The following ADAP1 variants were observed in gnomAD, a reference collection of about 807,000 sequenced individuals.
ADAP1 encodes the protein arf-GAP with dual PH domain-containing protein 1.
Under a neutral mutation model 54.9 loss-of-function variants are expected in ADAP1, and 31 were observed. The observed-to-expected ratio is 0.56, with a 90% CI of 0.42 to 0.76. ADAP1 has a LOEUF of 0.76. ADAP1 is among the 30% of genes least tolerant of loss of function. ADAP1 has a pLI of 0.00. For synonymous variants in ADAP1, 313 were observed against 202.6 expected, an observed-to-expected ratio of 1.55 and a Z score of -4.63; for missense variants, 535 against 512.4, an observed-to-expected ratio of 1.04 and a Z score of -0.42.
At chr7:906,573 GGGAAA>G (rs1447838700) in intron 4 of ADAP1, among the ~76,000 whole-genome samples, 2 of 40,822 alleles carry the variant, frequency 4.9e-5, no homozygotes, top group Non-Finnish European at 9.7e-5. Context: ...AAAGGAGAAA[GGGAAA>G]GGAGAAAGGA....
intron 4 of ADAP1, among the ~76,000 whole-genome samples, chr7:913,114 A>C (rs975650736): frequency 6.6e-6 from 1 of 151,742 alleles, no homozygotes; most frequent in Admixed American, 6.6e-5. Context: ...AGAGTGCTGC[A>C]ATGACAGGCA....
chr7:944,451 A>G (rs1216032127), intron 1 of ADAP1, among the ~76,000 whole-genome samples: 2 of 150,782 alleles, frequency 1.3e-5, no homozygotes, highest in Non-Finnish European at 3.0e-5. Flanking sequence ...GACGGGGTTC[A>G]CCATGTTGGC....
intron 1 of ADAP1, among the ~76,000 whole-genome samples, chr7:951,761 C>T (rs939331420): frequency 1.1e-4 from 17 of 152,148 alleles, no homozygotes; most frequent in Non-Finnish European, 1.2e-4. Flanking sequence ...GCTCAGACAC[C>T]CCAGTCCTTC....
intron 2 of ADAP1, among the ~76,000 whole-genome samples, chr7:931,171 G>A (rs1846565772): frequency 2.0e-5 from 3 of 151,990 alleles, no homozygotes; most frequent in South Asian, 2.1e-4. Flanking sequence ...GGGAGGGAGC[G>A]AGGCCCACAC....
rs542524591 is a variant in ADAP1, at chr7:907,911, G to A, written c.389-2739C>T. Among the ~76,000 whole-genome samples the A allele has an allele frequency of 4.0e-5, 6 of 151,416 alleles. No individual in the cohort carries two copies. The South Asian group carries it at 1.3e-3, about 32-fold the overall frequency. On this transcript the variant is annotated intron_variant, in intron 4 of 10. Coordinates refer to ENST00000265846, the MANE Select transcript of ADAP1 (RefSeq NM_006869.4). The stretch of plus-strand genomic sequence containing the variant: ...AGGTCGCGGGGCCGTCTGCCGAGGA[G>A]CCGTCTGCCGAGCATCCGTGGCCCC...
intron 6 of ADAP1, among the ~76,000 whole-genome samples, chr7:903,203 G>A (rs999540237): frequency 6.6e-5 from 10 of 152,162 alleles, no homozygotes; most frequent in African/African-American, 1.7e-4. Flanking sequence ...TGGGAAGAGC[G>A]ATCACAGCGT....
chr7:950,261 G>A (rs1030908897), intron 1 of ADAP1, among the ~76,000 whole-genome samples: 5 of 152,186 alleles, frequency 3.3e-5, no homozygotes, highest in South Asian at 2.1e-4. Flanking sequence ...CGAGGCAGGC[G>A]GATCACAAGG....
chr7:918,804 G>A lies in ADAP1; in HGVS notation c.388+1164C>T, dbSNP rs868691190. Among the ~76,000 whole-genome samples the A allele has an allele frequency of 1.9e-3, 291 of 152,316 alleles. 1 individual carries two copies. Among genetic ancestry groups the A allele is most frequent in the African/African-American group, 6.8e-3 (281 of 41,562 alleles). On this transcript the variant is annotated intron_variant, in intron 4 of 10. Transcript: ENST00000265846. ...GGGAAAAAACCACTCAAGGCCCACA[G>A]TACCCGAGCCCACCTCCTACAGAGC...
At chr7:900,061 G>A (rs375667891) in intron 8 of ADAP1, 41 bp downstream of exon 8, 138 of 1,609,810 alleles carry the variant, frequency 8.6e-5, no homozygotes, top group African/African-American at 3.9e-4. Context: ...CCACCATGGC[G>A]TACCCCAGGC....
chr7:937,636 GACCTCT>G lies in ADAP1; in HGVS notation c.83-2137_83-2132del, dbSNP rs1482074012. ...CCTCTGGGATTTGGGGGTCACGCCC[GACCTCT>G]GGGATTTGGGGGTCATGCCCGGCCT... On this transcript the variant is annotated intron_variant, in intron 1 of 10. Transcript: ENST00000265846. Among the ~76,000 whole-genome samples, 44 of 75,248 alleles carry G rather than the reference GACCTCT, an allele frequency of 5.8e-4. 2 individuals carry two copies. The highest frequency in any genetic ancestry group is 4.5e-3 in the East Asian group (8 of 1,768). 49.4% of individuals were successfully genotyped at this position (75,248 alleles called of 152,430 possible).
intron 4 of ADAP1, among the ~76,000 whole-genome samples, chr7:917,526 G>A (rs555404658): frequency 7.9e-5 from 12 of 152,282 alleles, no homozygotes; most frequent in Admixed American, 2.0e-4. Context: ...GTGCAGAGGC[G>A]CAATCTCGGC....
chr7:904,008 C>G, intron 6 of ADAP1, 118 bp downstream of exon 6: 3 of 1,361,498 alleles, frequency 2.2e-6, no homozygotes, highest in Non-Finnish European at 3.0e-6. Context: ...CCTTCTCATG[C>G]CGCCTAGCTC....
chr7:929,115 G>C (rs909554758), intron 2 of ADAP1, among the ~76,000 whole-genome samples: 1 of 151,960 alleles, frequency 6.6e-6, no homozygotes, highest in Admixed American at 6.6e-5. Flanking sequence ...AACACGGTGA[G>C]ACCCCGTCTC....
intron 1 of ADAP1, among the ~76,000 whole-genome samples, chr7:941,287 T>C (rs1179929798): frequency 6.6e-6 from 1 of 152,220 alleles, no homozygotes; most frequent in South Asian, 2.1e-4. Flanking sequence ...CTAGTCAACG[T>C]TGAGCTAGAG....
chr7:921,533 G>T (rs1334297506), intron 3 of ADAP1, among the ~76,000 whole-genome samples: 2 of 152,220 alleles, frequency 1.3e-5, no homozygotes, highest in Non-Finnish European at 2.9e-5. Context: ...TGCCCAGGCT[G>T]GTCTGGAACT....
intron 2 of ADAP1, among the ~76,000 whole-genome samples, chr7:934,682 C>T (rs866916301): frequency 5.2e-4 from 79 of 152,306 alleles, no homozygotes; most frequent in African/African-American, 1.7e-3. Context: ...GGTCTCCCTA[C>T]GGGGCCCTTC....
chr7:954,450 G>A lies in ADAP1; in HGVS notation c.28C>T (p.Leu10=). 1 of 1,109,620 alleles carries A rather than the reference G, an allele frequency of 9.0e-7. No individual in the cohort carries two copies. Among genetic ancestry groups the A allele is most frequent in the Non-Finnish European group, 1.1e-6 (1 of 903,862 alleles). The allele number at this position is 1,109,620 out of a possible 1,614,324, so 68.7% of individuals were successfully genotyped here. The change falls in exon 1 of 11, where the codon CTG becomes TTG. Residue 10 remains leucine (L), a synonymous_variant. Transcript: ENST00000265846. ...TTCCCCGGCCGCTGCAGCAGCTCCA[G>A]GACCGCCCTGCGCCGCTCCTTGGCC... The part of the protein sequence containing the change: MAKERRRAV[L]ELLQRPGNAR...
intron 1 of ADAP1, among the ~76,000 whole-genome samples, chr7:951,276 G>A (rs1479213381): frequency 6.6e-6 from 1 of 152,024 alleles, no homozygotes; most frequent in African/African-American, 2.4e-5. Flanking sequence ...GGGAGGCTGA[G>A]GCAGGAGAAT....
intron 4 of ADAP1, among the ~76,000 whole-genome samples, chr7:913,890 G>C (rs962070268): frequency 3.9e-5 from 6 of 152,148 alleles, no homozygotes; most frequent in African/African-American, 1.4e-4. Flanking sequence ...AGCTGAGACC[G>C]CACCATTGCA....
Sources: allele counts gnomAD v4.1 joint callset (sites outside exome capture counted in the v4.1 genomes callset), GRCh38; gene constraint gnomAD v4.1.1; transcripts MANE v1.5; gene names NCBI Gene and HGNC (gene_info 2026-07-23, HGNC 2026-07-21).